Variants in CPEB3 observed in about 807,000 individuals in gnomAD.
CPEB3 encodes the protein cytoplasmic polyadenylation element-binding protein 3.
CPEB3 carries 20 observed loss-of-function variants against 67.2 expected under a neutral mutation model. The observed-to-expected ratio is 0.30, with a 90% CI of 0.21 to 0.43. The LOEUF is 0.43. Ranked by LOEUF, CPEB3 falls within the 20% of genes least tolerant of loss-of-function variation. CPEB3 has a pLI of 1.00. For missense variants in CPEB3, 746 were observed against 968.6 expected (o/e 0.77, Z 3.05); for synonymous variants, 376 against 393.1 (o/e 0.96, Z 0.51).
chr10:92,147,046 A>G (rs549550966), intron 4 of CPEB3, among the ~76,000 whole-genome samples: 1 of 152,332 alleles, frequency 6.6e-6, no homozygotes, highest in South Asian at 2.1e-4. Context: ...TAGTAACATT[A>G]GATACTCAGA....
intron 4 of CPEB3, among the ~76,000 whole-genome samples, chr10:92,151,871 C>A (rs1846982895): frequency 6.6e-6 from 1 of 152,138 alleles, no homozygotes; most frequent in African/African-American, 2.4e-5. Context: ...CACTTCTCTC[C>A]AACTCCACTG....
chr10:92,267,856 G>C (rs2134964234), intron 1 of CPEB3, among the ~76,000 whole-genome samples: 1 of 152,260 alleles, frequency 6.6e-6, no homozygotes, highest in African/African-American at 2.4e-5. Context: ...GTCTCGCTCT[G>C]TTGCCAGGAT....
intron 2 of CPEB3, among the ~76,000 whole-genome samples, chr10:92,202,289 A>G (rs1849558684): frequency 1.3e-5 from 2 of 152,072 alleles, no homozygotes; most frequent in Non-Finnish European, 2.9e-5. Context: ...AAATAAAAAC[A>G]TATGTCCACA....
chr10:92,098,394 T>G (rs1010205756), intron 7 of CPEB3, among the ~76,000 whole-genome samples: 2 of 151,768 alleles, frequency 1.3e-5, no homozygotes, highest in Non-Finnish European at 2.9e-5. Context: ...CCACAACCTC[T>G]GCCTCCCAGG....
rs1841874387 is a variant in CPEB3, at chr10:92,050,901, C to T, written c.*1311G>A. The T allele has an allele frequency of 6.6e-6, 1 of 152,602 alleles. No homozygotes were observed. Among genetic ancestry groups the T allele is most frequent in the South Asian group, 2.1e-4 (1 of 4,834 alleles). The allele number at this position is 152,602 out of a possible 1,614,324, so 9.5% of individuals were successfully genotyped here. A position where few individuals can be genotyped will look rare whatever the true frequency, so the allele number is the denominator to read the frequency against. On this transcript the variant is annotated 3_prime_UTR_variant, in exon 10 of 10. Transcript: ENST00000265997. ...TGGTGCAAGCACTAAGAGATTGTAA[C>T]TAAGAGCTCATGTGTTAGTTTATAA...
intron 1 of CPEB3, among the ~76,000 whole-genome samples, chr10:92,250,188 C>T (rs894358353): frequency 6.6e-6 from 1 of 151,542 alleles, no homozygotes; most frequent in South Asian, 2.1e-4. Context: ...CCTGGGTTCA[C>T]GCCATTCTCC....
chr10:92,215,852 G>A lies in CPEB3; in HGVS notation c.1006-23216C>T, dbSNP rs1453999858. 2.7e-5 allele frequency among the ~76,000 whole-genome samples: 4 copies of A among 148,460 alleles called. No individual in the cohort carries two copies. In the East Asian group the frequency reaches 6.2e-4, roughly 23 times the overall value. On this transcript the variant is annotated intron_variant, in intron 2 of 9. Coordinates refer to ENST00000265997, the MANE Select transcript of CPEB3 (RefSeq NM_014912.5). ...CAACTTCCACCTCCCAGGTTCAAGC[G>A]ATTCTCTTGCCTCAGCCTCCCGAGT...
chr10:92,146,088 A>T (rs1846666276), intron 4 of CPEB3, among the ~76,000 whole-genome samples: 1 of 152,200 alleles, frequency 6.6e-6, no homozygotes, highest in Admixed American at 6.5e-5. Context: ...TCTAGGCTAC[A>T]TTTTATATCA....
At chr10:92,084,569 A>ATTAT (rs887448275) in intron 8 of CPEB3, among the ~76,000 whole-genome samples, 6 of 151,928 alleles carry the variant, frequency 3.9e-5, no homozygotes, top group African/African-American at 7.3e-5. Flanking sequence ...TCTGTATTTT[A>ATTAT]TTATTTATTT....
intron 6 of CPEB3, among the ~76,000 whole-genome samples, chr10:92,131,084 A>T (rs1055075808): frequency 3.9e-5 from 6 of 152,240 alleles, no homozygotes; most frequent in Non-Finnish European, 5.9e-5. Flanking sequence ...AGCTGAGAGC[A>T]AAACACAACA....
At chr10:92,159,534 T>C (rs1403273882) in intron 4 of CPEB3, among the ~76,000 whole-genome samples, 1 of 151,638 alleles carries the variant, frequency 6.6e-6, no homozygotes, top group African/African-American at 2.4e-5. Context: ...TAGCCAGGCG[T>C]GATGGAGGGC....
At chr10:92,057,596 G>A (rs1037397606) in intron 9 of CPEB3, among the ~76,000 whole-genome samples, 2 of 152,378 alleles carry the variant, frequency 1.3e-5, no homozygotes, top group Non-Finnish European at 1.5e-5. Flanking sequence ...CCAGGGCCCT[G>A]AGCGAACACA....
At chr10:92,188,411 A>G (rs1848802257) in intron 3 of CPEB3, among the ~76,000 whole-genome samples, 1 of 151,426 alleles carries the variant, frequency 6.6e-6, no homozygotes, top group South Asian at 2.1e-4. Context: ...GATCTTTAAA[A>G]AGCAAAAAAT....
At chr10:92,067,553 G>A (rs1429540385) in intron 9 of CPEB3, among the ~76,000 whole-genome samples, 5 of 150,954 alleles carry the variant, frequency 3.3e-5, no homozygotes, top group Admixed American at 6.6e-5. Flanking sequence ...GCGCAGTGGC[G>A]CATGCCTGTA....
At position 92,239,279 on chromosome 10, in the gene CPEB3, A is replaced by C. The variant is rs1167645834; in HGVS notation, c.1005+67T>G. On this transcript the variant is annotated intron_variant, in intron 2 of 9. Transcript: ENST00000265997. This position sits in a 1 kb window ranked among gnomAD's most constrained non-coding sequence, Gnocchi z 6.0. Reference sequence around the variant, plus strand: ...TTAAATATAAGCGGGTGGATGATTAAAAGTCAGAGAAGTGGCAAAAGGAGC... The same window carrying C: ...TTAAATATAAGCGGGTGGATGATTACAAGTCAGAGAAGTGGCAAAAGGAGC... The C allele has an allele frequency of 1.3e-6, 2 of 1,522,864 alleles. No homozygotes were observed. The highest frequency in any genetic ancestry group is 1.4e-5 in the African/African-American group (1 of 72,724). The allele number at this position is 1,522,864 out of a possible 1,614,324, so 94.3% of individuals were successfully genotyped here.
At chr10:92,074,089 T>A (rs562081505) in intron 9 of CPEB3, among the ~76,000 whole-genome samples, 18 of 140,954 alleles carry the variant, frequency 1.3e-4, no homozygotes, top group African/African-American at 4.4e-4. Flanking sequence ...CCTCTCTTTT[T>A]AACTATTTTT....
intron 4 of CPEB3, among the ~76,000 whole-genome samples, chr10:92,162,840 G>A (rs188871159): frequency 1.3e-5 from 2 of 152,144 alleles, no homozygotes; most frequent in African/African-American, 2.4e-5. Context: ...ATGCTCTGCT[G>A]TTTGTTTTTT....
At chr10:92,063,980 T>A (rs1254232089) in intron 9 of CPEB3, among the ~76,000 whole-genome samples, 2 of 151,888 alleles carry the variant, frequency 1.3e-5, no homozygotes, top group Non-Finnish European at 2.9e-5. Flanking sequence ...AGTGTAGTAT[T>A]GGGTCAAAAA....
At chr10:92,216,375 C>A in intron 2 of CPEB3, 2 of 1,611,804 alleles carry the variant, frequency 1.2e-6, no homozygotes, top group East Asian at 2.2e-5. Flanking sequence ...GAGGCTCAGG[C>A]GGAGGTGTGT....
Sources: gnomAD v4.1 joint callset for allele counts (sites outside exome capture counted in the v4.1 genomes callset) on GRCh38, gnomAD v4.1.1 for gene constraint, Gnocchi (gnomAD v3.1) non-coding constraint, MANE v1.5 for transcripts, NCBI Gene and HGNC (gene_info 2026-07-23, HGNC 2026-07-21) for gene names.